The following NAALADL2 variants were observed in gnomAD, a reference collection of about 807,000 sequenced individuals.
The protein encoded by NAALADL2 is N-acetylated alpha-linked acidic dipeptidase like 2, also known as inactive N-acetylated-alpha-linked acidic dipeptidase-like protein 2.
In NAALADL2, 76 loss-of-function variants were observed where a neutral mutation model predicts 87.2. The observed-to-expected ratio is 0.87, with a 90% confidence interval of 0.72 to 1.05. NAALADL2 has a LOEUF of 1.05. NAALADL2 is among the 50% of genes least tolerant of loss of function. The probability of loss-of-function intolerance (pLI) is 0.00; values close to 1 mark genes in which losing one functional copy is unlikely to be tolerated. For missense variants in NAALADL2, 1,089 were observed against 945.8 expected (o/e 1.15, Z -1.99); for synonymous variants, 354 against 331.0 (o/e 1.07, Z -0.75).
chr3:175,608,835 G>A (rs988262106), intron 10 of NAALADL2, among the ~76,000 whole-genome samples: 15 of 152,014 alleles, frequency 9.9e-5, no homozygotes, highest in African/African-American at 3.4e-4. Context: ...AAATGTTACC[G>A]TTTTGCCACT....
At chr3:174,822,776 A>C (rs1193803489) in intron 3 of NAALADL2, among the ~76,000 whole-genome samples, 1 of 152,136 alleles carries the variant, frequency 6.6e-6, no homozygotes, top group East Asian at 1.9e-4. Context: ...AACTATGGGA[A>C]CTCTGAGGAT....
At chr3:174,561,071 C>T (rs963105087) in intron 2 of NAALADL2, among the ~76,000 whole-genome samples, 3 of 152,094 alleles carry the variant, frequency 2.0e-5, no homozygotes, top group Admixed American at 6.5e-5. Flanking sequence ...AGAGATTAGG[C>T]TTAACTTTGA....
chr3:174,765,143 C>T (rs57516691), intron 3 of NAALADL2, among the ~76,000 whole-genome samples: 3 of 124,634 alleles, frequency 2.4e-5, no homozygotes, highest in African/African-American at 1.0e-4. Flanking sequence ...CACACACACA[C>T]GAGAGAGAGA....
intron 1 of NAALADL2, among the ~76,000 whole-genome samples, chr3:175,092,653 A>G (rs1481036742): frequency 6.6e-6 from 1 of 151,932 alleles, no homozygotes; most frequent in African/African-American, 2.4e-5. Context: ...TTAAACTATC[A>G]TATGTTGAAT....
At chr3:175,716,972 G>T (rs1741385852) in intron 11 of NAALADL2, among the ~76,000 whole-genome samples, 1 of 152,150 alleles carries the variant, frequency 6.6e-6, no homozygotes, top group Non-Finnish European at 1.5e-5. Context: ...CAGAAAGAAT[G>T]AATAATACCA....
chr3:175,136,256 T>C (rs1729098061), intron 2 of NAALADL2, among the ~76,000 whole-genome samples: 1 of 152,120 alleles, frequency 6.6e-6, no homozygotes, highest in South Asian at 2.1e-4. Context: ...ATAAGTCAGA[T>C]TGTGGGGCCA....
At chr3:175,504,563 GTTTCTCTCTCTCTCTCTC>G (rs1730006263) in intron 9 of NAALADL2, among the ~76,000 whole-genome samples, 2 of 59,718 alleles carry the variant, frequency 3.3e-5, no homozygotes, top group Non-Finnish European at 7.4e-5. Context: ...GTCTCTCTCT[GTTTCTCTCTCTCTCTCTC>G]TCTCTCTCTC....
intron 1 of NAALADL2, among the ~76,000 whole-genome samples, chr3:174,948,357 A>G (rs1170288208): frequency 3.3e-5 from 5 of 152,068 alleles, no homozygotes; most frequent in Admixed American, 3.3e-4. Flanking sequence ...TTGTAATTTT[A>G]GTAGAGACGG....
intron 2 of NAALADL2, among the ~76,000 whole-genome samples, chr3:174,698,216 T>C (rs573865411): frequency 7.1e-6 from 1 of 140,582 alleles, no homozygotes; most frequent in African/African-American, 2.9e-5. Flanking sequence ...AATATAGTTT[T>C]GGGTAGGATT....
intron 1 of NAALADL2, among the ~76,000 whole-genome samples, chr3:175,042,963 C>CCTCTTGCTTGCT (rs1218316647): frequency 1.3e-5 from 2 of 152,112 alleles, no homozygotes; most frequent in Admixed American, 1.3e-4. Context: ...CACCTCCCCA[C>CCTCTTGCTTGCT]CTCTTGCTTG....
intron 2 of NAALADL2, among the ~76,000 whole-genome samples, chr3:174,655,272 T>C (rs1047918272): frequency 6.6e-6 from 1 of 151,984 alleles, no homozygotes; most frequent in Admixed American, 6.6e-5. Flanking sequence ...TTAAAGAATA[T>C]GTGCTTTAAG....
rs147730043 is a variant in NAALADL2 at position 174,983,077 on chromosome 3, C to A, written c.44-113713C>A. Among the ~76,000 whole-genome samples the A allele has an allele frequency of 7.5e-3, 1,137 of 152,206 alleles. 12 individuals are homozygous for A. The highest frequency in any genetic ancestry group is 0.025 in the African/African-American group (1,054 of 41,532). On this transcript the variant is annotated intron_variant, in intron 1 of 13. Coordinates refer to ENST00000454872, the MANE Select transcript of NAALADL2 (RefSeq NM_207015.3). The stretch of plus-strand genomic sequence containing the variant: ...CCTCCCAAAGTGCTGGGATTACAGG[C>A]GTGAGCCACCGCGCCCAGCCAAAAG...
At chr3:175,347,929 C>A (rs1763324643) in intron 5 of NAALADL2, among the ~76,000 whole-genome samples, 2 of 152,056 alleles carry the variant, frequency 1.3e-5, no homozygotes, top group Admixed American at 1.3e-4. Context: ...TGTTCCCCTC[C>A]CTGTGTCCAT....
At chr3:175,150,767 T>C (rs1436620639) in intron 2 of NAALADL2, among the ~76,000 whole-genome samples, 3 of 152,182 alleles carry the variant, frequency 2.0e-5, no homozygotes, top group Non-Finnish European at 2.9e-5. Context: ...CATTGATTTA[T>C]ACATTCTTTG....
intron 4 of NAALADL2, among the ~76,000 whole-genome samples, chr3:175,263,473 C>A (rs768104086): frequency 1.3e-5 from 2 of 151,864 alleles, no homozygotes; most frequent in Admixed American, 1.3e-4. Flanking sequence ...ATTTAGAAGT[C>A]ATGCATGTGT....
intron 2 of NAALADL2, among the ~76,000 whole-genome samples, chr3:175,228,500 A>C (rs191660277): frequency 6.6e-6 from 1 of 151,878 alleles, no homozygotes; most frequent in Admixed American, 6.6e-5. Context: ...GAATCATAAG[A>C]GAAATTCCCA....
intron 3 of NAALADL2, among the ~76,000 whole-genome samples, chr3:174,763,749 T>C (rs537824367): frequency 1.3e-5 from 2 of 149,444 alleles, no homozygotes; most frequent in East Asian, 3.9e-4. Context: ...AGTTGTAGAG[T>C]GAAATGATTT....
At chr3:175,452,046 T>C (rs900406146) in intron 6 of NAALADL2, among the ~76,000 whole-genome samples, 2 of 152,184 alleles carry the variant, frequency 1.3e-5, no homozygotes, top group East Asian at 3.8e-4. Flanking sequence ...AAATATTTAT[T>C]GGCAAATGGT....
At chr3:174,508,665 T>A (rs1037927604) in intron 1 of NAALADL2, among the ~76,000 whole-genome samples, 3 of 152,224 alleles carry the variant, frequency 2.0e-5, no homozygotes, top group African/African-American at 7.2e-5. Flanking sequence ...AGCAAAGTTT[T>A]GTCATTTGCA....
Sources: allele counts gnomAD v4.1 joint callset (sites outside exome capture counted in the v4.1 genomes callset), GRCh38; gene constraint gnomAD v4.1.1; transcripts MANE v1.5; gene names NCBI Gene and HGNC (gene_info 2026-07-23, HGNC 2026-07-21).